The following DISC1 variants were observed in gnomAD, a reference collection of about 807,000 sequenced individuals.
DISC1 encodes disrupted in schizophrenia 1 protein.
In DISC1, 57 loss-of-function variants were observed where a neutral mutation model predicts 84.5. The ratio of observed to expected loss-of-function variants is 0.67; its 90% CI spans 0.55 to 0.84. The LOEUF is 0.84. Among genes scored for constraint, DISC1 ranks in the 40% least tolerant of loss-of-function variants. DISC1 has a pLI of 0.00. For missense variants in DISC1, 1,000 were observed against 1,057.8 expected (o/e 0.95, Z 0.76); for synonymous variants, 411 against 415.2 (o/e 0.99, Z 0.12).
At chr1:231,673,630 G>A (rs1572728485) in intron 1 of DISC1, among the ~76,000 whole-genome samples, 1 of 152,162 alleles carries the variant, frequency 6.6e-6, no homozygotes, top group East Asian at 1.9e-4. Flanking sequence ...CTTTCATTAG[G>A]AGGCTCTACT....
intron 1 of DISC1, among the ~76,000 whole-genome samples, chr1:231,657,996 G>GT (rs1464042045): frequency 2.0e-5 from 3 of 152,166 alleles, no homozygotes; most frequent in Admixed American, 1.3e-4. Context: ...TTTTAAAATA[G>GT]TTTTTTCTAA....
chr1:231,880,939 A>T (rs1213760358), intron 9 of DISC1, among the ~76,000 whole-genome samples: 1 of 152,138 alleles, frequency 6.6e-6, no homozygotes, highest in Non-Finnish European at 1.5e-5. Flanking sequence ...AGTTAAGGGG[A>T]ACTGTGATCT....
intron 8 of DISC1, among the ~76,000 whole-genome samples, chr1:231,806,848 G>A (rs1314017386): frequency 1.3e-5 from 2 of 152,248 alleles, no homozygotes; most frequent in Non-Finnish European, 2.9e-5. Flanking sequence ...AAGGGAAAGC[G>A]TCAGTGCCCT....
intron 9 of DISC1, among the ~76,000 whole-genome samples, chr1:231,873,328 T>A (rs7511740): frequency 0.13 from 19,205 of 152,198 alleles, 1,358 homozygotes; most frequent in East Asian, 0.32. Flanking sequence ...GAAGAGGTCA[T>A]CGATTTATAG....
chr1:231,966,363 C>T (rs1661121855), intron 10 of DISC1, among the ~76,000 whole-genome samples: 1 of 152,212 alleles, frequency 6.6e-6, no homozygotes, highest in Non-Finnish European at 1.5e-5. Flanking sequence ...CTTGTTTTCT[C>T]TTATGGCCAA....
intron 3 of DISC1, among the ~76,000 whole-genome samples, chr1:231,733,527 TGTA>T (rs139603143): frequency 0.56 from 76,762 of 135,906 alleles, 20,728 homozygotes; most frequent in South Asian, 0.65. Context: ...TGGTGGTAGT[TGTA>T]GTGGTGATGA....
intron 5 of DISC1, 53 bp from the exon 6 acceptor site, chr1:231,770,782 G>A: frequency 1.3e-6 from 2 of 1,583,132 alleles, no homozygotes; most frequent in Non-Finnish European, 1.7e-6. Context: ...CCTCAGAGCA[G>A]TTTGCCATGA....
intron 10 of DISC1, among the ~76,000 whole-genome samples, chr1:232,000,697 A>G (rs963788940): frequency 2.0e-5 from 3 of 152,218 alleles, no homozygotes; most frequent in Non-Finnish European, 1.5e-5. Context: ...GAGAACACCC[A>G]GAGAGATTTA....
At position 231,675,552 on chromosome 1, in the gene DISC1, C is replaced by A. The variant is rs1345147413; in HGVS notation, c.68-18274C>A. On this transcript the variant is annotated intron_variant, in intron 1 of 12. Coordinates refer to ENST00000439617, the MANE Select transcript of DISC1 (RefSeq NM_018662.3). This position sits in a 1 kb window ranked among gnomAD's most constrained non-coding sequence, Gnocchi z 4.1. ...CATGTACATTTACTCTCAAAATTTCCTGGGCTAGTAGGTCTCTCAAGGTGG... is the reference window on the plus strand; with the variant it reads ...CATGTACATTTACTCTCAAAATTTCATGGGCTAGTAGGTCTCTCAAGGTGG... Among the ~76,000 whole-genome samples, 1 of 152,114 alleles carries A rather than the reference C, an allele frequency of 6.6e-6. No individual in the cohort carries two copies. The highest frequency in any genetic ancestry group is 1.9e-4 in the East Asian group (1 of 5,192).
intron 1 of DISC1, among the ~76,000 whole-genome samples, chr1:231,662,447 G>A (rs1278846080): frequency 3.9e-5 from 6 of 152,190 alleles, no homozygotes; most frequent in South Asian, 4.1e-4. Context: ...CCTTGTTGGC[G>A]TGGCTGAAGC....
chr1:231,723,901 C>T (rs984196206), intron 3 of DISC1: 10 of 985,226 alleles, frequency 1.0e-5, no homozygotes, highest in African/African-American at 3.5e-5. Flanking sequence ...TGCCCAGTGC[C>T]GATGTCTGGA....
intron 9 of DISC1, among the ~76,000 whole-genome samples, chr1:231,932,485 C>A (rs1253031417): frequency 6.6e-6 from 1 of 152,114 alleles, no homozygotes; most frequent in Non-Finnish European, 1.5e-5. Context: ...TTATTATTTC[C>A]ATTTTACAAA....
chr1:231,715,826 T>C (rs1419442906), intron 3 of DISC1, among the ~76,000 whole-genome samples: 2 of 152,354 alleles, frequency 1.3e-5, no homozygotes, highest in East Asian at 1.9e-4. Flanking sequence ...AGTTGAGGTA[T>C]AGTTTCCAAA....
chr1:231,655,306 T>C (rs2060963922), intron 1 of DISC1, among the ~76,000 whole-genome samples: 2 of 152,160 alleles, frequency 1.3e-5, no homozygotes, highest in South Asian at 4.1e-4. Context: ...TGCCTTTGTG[T>C]ATCCATAGCT....
intron 9 of DISC1, among the ~76,000 whole-genome samples, chr1:231,923,307 CA>C (rs1461560372): frequency 7.9e-5 from 11 of 138,534 alleles, no homozygotes; most frequent in South Asian, 4.6e-4. Flanking sequence ...CAAAAAAAAC[CA>C]AAAAAAAAAA....
At chr1:231,699,318 G>GC (rs2066109408) in intron 2 of DISC1, among the ~76,000 whole-genome samples, 1 of 152,038 alleles carries the variant, frequency 6.6e-6, no homozygotes, top group Non-Finnish European at 1.5e-5. Flanking sequence ...AATAGTTCTT[G>GC]CCCCCCAGAT....
intron 9 of DISC1, among the ~76,000 whole-genome samples, chr1:231,823,035 G>A (rs2081609793): frequency 6.6e-6 from 1 of 152,150 alleles, no homozygotes; most frequent in South Asian, 2.1e-4. Flanking sequence ...AGGTTTGGAG[G>A]TCAAAGAAAA....
chr1:231,898,656 G>C (rs529278504), intron 9 of DISC1, among the ~76,000 whole-genome samples: 2 of 152,336 alleles, frequency 1.3e-5, no homozygotes, highest in East Asian at 3.9e-4. Flanking sequence ...ACTAGGCCGG[G>C]TGTGGTGGCT....
At chr1:232,010,953 G>C (rs1259119974) in intron 11 of DISC1, among the ~76,000 whole-genome samples, 1 of 152,130 alleles carries the variant, frequency 6.6e-6, no homozygotes, top group African/African-American at 2.4e-5. Context: ...CCTGCTTCAG[G>C]AAAGAATGGC....
Sources: gnomAD v4.1 joint callset for allele counts (sites outside exome capture counted in the v4.1 genomes callset) on GRCh38, gnomAD v4.1.1 for gene constraint, Gnocchi (gnomAD v3.1) non-coding constraint, MANE v1.5 for transcripts, NCBI Gene and HGNC (gene_info 2026-07-23, HGNC 2026-07-21) for gene names.